The following GLUD1 variants were observed in gnomAD, a reference collection of about 807,000 sequenced individuals.
GLUD1 encodes glutamate dehydrogenase 1, mitochondrial.
Under a neutral mutation model 56.0 loss-of-function variants are expected in GLUD1, and 22 were observed. The observed-to-expected ratio is 0.39, with a 90% CI of 0.28 to 0.56. The LOEUF is 0.56. GLUD1 is among the 20% of genes least tolerant of loss of function. The pLI, the probability that GLUD1 is intolerant of heterozygous loss-of-function variation, is 0.58. For missense variants in GLUD1, 451 were observed against 732.0 expected (o/e 0.62, Z 4.43); for synonymous variants, 223 against 269.9 (o/e 0.83, Z 1.70).
At chr10:87,081,710 A>G (rs1274403428) in intron 1 of GLUD1, among the ~76,000 whole-genome samples, 6 of 152,236 alleles carry the variant, frequency 3.9e-5, no homozygotes, top group South Asian at 2.1e-4. Context: ...GATTAAGGGC[A>G]GTGCAAGATG....
In GLUD1 at chr10:87,094,309, C is replaced by T. The variant is rs1280113247; in HGVS notation, c.445+16G>A. On this transcript the variant is annotated intron_variant, in intron 1 of 12. Coordinates refer to ENST00000277865, the MANE Select transcript of GLUD1 (RefSeq NM_005271.5). This position sits in a 1 kb window ranked among gnomAD's most constrained non-coding sequence, Gnocchi z 6.6. ...GGGAGGCAGGGAGGGCGGGACGGGG[C>T]CCGGCCGACGCTCACCTCCCTTGCA... 8 of 1,592,050 alleles carry T rather than the reference C, an allele frequency of 5.0e-6. No individual in the cohort carries two copies. The highest frequency in any genetic ancestry group is 1.3e-5 in the African/African-American group (1 of 74,542).
rs755258914 is a variant in GLUD1, at chr10:87,074,582, G to A, written c.615C>T (p.Phe205=). 2 of 1,590,858 alleles carry A rather than the reference G, an allele frequency of 1.3e-6. No individual in the cohort carries two copies. The highest frequency in any genetic ancestry group is 1.7e-6 in the Non-Finnish European group (2 of 1,158,986). Residue 205 remains phenylalanine, a synonymous_variant, in exon 4 of 13, where the codon TTC becomes TTT. Transcript: ENST00000277865. ...AGCCCTTTTTTGCTAGCTCCATGGT[G>A]AACCTCCTTGTGATCTTTTCCAATT... is the stretch of plus-strand genomic sequence containing the variant. ...DNELEKITRR[F]TMELAKKGFI...
chr10:87,090,239 C>T (rs558762822), intron 1 of GLUD1, among the ~76,000 whole-genome samples: 9 of 152,282 alleles, frequency 5.9e-5, no homozygotes, highest in East Asian at 3.9e-4. Flanking sequence ...TTATTAACAG[C>T]GGTAAACCTA....
chr10:87,094,778 G>T lies in GLUD1; in HGVS notation c.-9C>A, dbSNP rs1300670632. 1 of 1,531,976 alleles carries T rather than the reference G, an allele frequency of 6.5e-7. No individual in the cohort carries two copies. Among genetic ancestry groups the T allele is most frequent in the Non-Finnish European group, 8.8e-7 (1 of 1,135,830 alleles). The allele number at this position is 1,531,976 out of a possible 1,614,324, so 94.9% of individuals were successfully genotyped here. A position where few individuals can be genotyped will look rare whatever the true frequency, so the allele number is the denominator to read the frequency against. On this transcript the variant is annotated 5_prime_UTR_variant, in exon 1 of 13. Coordinates refer to ENST00000277865, the MANE Select transcript of GLUD1 (RefSeq NM_005271.5). This position sits in a 1 kb window ranked among gnomAD's most constrained non-coding sequence, Gnocchi z 6.6. ...CCCAGGTAGCGGTACATGGCCACAA[G>T]CGGAGGGGAGGTGCGTGATGGTCGC...
chr10:87,060,026 A>G (rs1225982267), intron 9 of GLUD1, 135 bp downstream of exon 9: 4 of 691,072 alleles, frequency 5.8e-6, no homozygotes, highest in East Asian at 2.6e-5. Flanking sequence ...TGCTTCTACT[A>G]TATTTTCTCA....
At chr10:87,061,959 T>C (rs536773956) in intron 6 of GLUD1, among the ~76,000 whole-genome samples, 32 of 152,254 alleles carry the variant, frequency 2.1e-4, no homozygotes, top group African/African-American at 7.0e-4. Flanking sequence ...AATTTTCCTA[T>C]TTTTAGCGGA....
intron 4 of GLUD1, among the ~76,000 whole-genome samples, chr10:87,070,165 C>T (rs1291003489): frequency 6.6e-6 from 1 of 152,210 alleles, no homozygotes; most frequent in Admixed American, 6.5e-5. Context: ...AACAACAATT[C>T]CAACTAGGCC....
At chr10:87,063,535 T>C (rs1589361897) in intron 5 of GLUD1, among the ~76,000 whole-genome samples, 2 of 152,312 alleles carry the variant, frequency 1.3e-5, no homozygotes, top group Admixed American at 6.5e-5. Context: ...ATCCCATTCA[T>C]GAGTGTCTTA....
intron 11 of GLUD1, among the ~76,000 whole-genome samples, chr10:87,056,292 CTTT>C (rs556387150): frequency 1.1e-4 from 15 of 135,278 alleles, no homozygotes; most frequent in Middle Eastern, 3.5e-3. Context: ...TACACCGTTT[CTTT>C]TTTTTTTTTT....
chr10:87,080,136 C>T (rs1318203335), intron 1 of GLUD1, among the ~76,000 whole-genome samples: 2 of 151,936 alleles, frequency 1.3e-5, no homozygotes, highest in East Asian at 1.9e-4. Flanking sequence ...GACGGGATTT[C>T]GCTGTGTTGG....
chr10:87,089,575 G>C (rs1841464628), intron 1 of GLUD1: 1 of 980,414 alleles, frequency 1.0e-6, no homozygotes, highest in Non-Finnish European at 1.2e-6. Flanking sequence ...GGTGAAGGCA[G>C]TTGACCTCAA....
chr10:87,067,261 C>T (rs754447522), intron 5 of GLUD1, among the ~76,000 whole-genome samples: 13 of 152,144 alleles, frequency 8.5e-5, no homozygotes, highest in Non-Finnish European at 1.6e-4. Flanking sequence ...TGTTTTGAGA[C>T]AGGGTCTCAC....
chr10:87,062,916 C>T, intron 5 of GLUD1, 81 bp from the exon 6 acceptor site: 1 of 1,290,828 alleles, frequency 7.7e-7, no homozygotes, highest in Non-Finnish European at 1.1e-6. Context: ...AAAGTCAAAG[C>T]ACATTCTCAT....
intron 1 of GLUD1, among the ~76,000 whole-genome samples, chr10:87,090,934 G>A (rs4934296): frequency 0.38 from 58,063 of 151,918 alleles, 11,751 homozygotes; most frequent in African/African-American, 0.51. Flanking sequence ...TCCCTTAAGC[G>A]CTAAACAATG....
chr10:87,093,911 C>G (rs1439610779), intron 1 of GLUD1: 1 of 1,329,058 alleles, frequency 7.5e-7, no homozygotes, highest in East Asian at 4.7e-5. Context: ...AATTTGACAG[C>G]TTGCATTTAG....
intron 11 of GLUD1, among the ~76,000 whole-genome samples, chr10:87,054,932 A>T (rs1169084005): frequency 6.6e-6 from 1 of 152,252 alleles, no homozygotes; most frequent in African/African-American, 2.4e-5. Flanking sequence ...AGGTACCAGG[A>T]GCTGGGTAGA....
chr10:87,070,143 C>T (rs1846190883), intron 4 of GLUD1, among the ~76,000 whole-genome samples: 2 of 152,196 alleles, frequency 1.3e-5, no homozygotes. Flanking sequence ...ATTAAATAAG[C>T]TTGTTACCTC....
At chr10:87,092,540 T>C (rs1035597194) in intron 1 of GLUD1, 36 of 540,648 alleles carry the variant, frequency 6.7e-5, no homozygotes, top group South Asian at 8.0e-5. Context: ...TTCAATATTT[T>C]GGCATTAAAA....
chr10:87,069,954 A>C (rs933953797), intron 4 of GLUD1, among the ~76,000 whole-genome samples: 4 of 152,194 alleles, frequency 2.6e-5, no homozygotes, highest in African/African-American at 9.6e-5. Flanking sequence ...TCCACTGACA[A>C]AAGGGCTCTC....
Sources: allele counts gnomAD v4.1 joint callset (sites outside exome capture counted in the v4.1 genomes callset), GRCh38; gene constraint gnomAD v4.1.1; non-coding constraint Gnocchi (gnomAD v3.1); transcripts MANE v1.5; gene names NCBI Gene and HGNC (gene_info 2026-07-23, HGNC 2026-07-21).